Variants in RASGEF1C observed in about 807,000 individuals in gnomAD.
The protein encoded by RASGEF1C is ras-GEF domain-containing family member 1C.
RASGEF1C carries 27 observed loss-of-function variants against 58.1 expected under a neutral mutation model. The ratio of observed to expected loss-of-function variants is 0.46; its 90% CI spans 0.34 to 0.64. The LOEUF (loss-of-function observed/expected upper bound fraction) is 0.64. Ranked by LOEUF, RASGEF1C falls within the 30% of genes least tolerant of loss-of-function variation. The pLI, the probability that RASGEF1C is intolerant of heterozygous loss-of-function variation, is 0.01. For synonymous variants in RASGEF1C, 243 were observed against 246.3 expected, an observed-to-expected ratio of 0.99 and a Z score of 0.13; for missense variants, 502 against 605.1, an observed-to-expected ratio of 0.83 and a Z score of 1.79.
rs917857433 is a variant in RASGEF1C, at chr5:180,136,779, G to C, written c.301-264C>G. 8.2e-6 allele frequency: 4 copies of C among 487,786 alleles called. No homozygotes were observed. In the East Asian group the frequency reaches 1.1e-4, roughly 14 times the overall value. 30.2% of individuals were successfully genotyped at this position (487,786 alleles called of 1,614,324 possible). On this transcript the variant is annotated intron_variant, in intron 3 of 13. Coordinates refer to ENST00000361132, the MANE Select transcript of RASGEF1C (RefSeq NM_175062.4). ...CCTCCCTGGTGAGTCTTCGCGCTGC[G>C]GGGAGTGGGGAGTCCTCAGAGCAGG...
chr5:180,132,020 C>A (rs1170851574), intron 4 of RASGEF1C, among the ~76,000 whole-genome samples: 1 of 152,216 alleles, frequency 6.6e-6, no homozygotes. Flanking sequence ...TCACTGATTT[C>A]TCCACACTCG....
At chr5:180,121,352 C>G (rs901166703) in intron 6 of RASGEF1C, among the ~76,000 whole-genome samples, 1 of 150,792 alleles carries the variant, frequency 6.6e-6, no homozygotes, top group Non-Finnish European at 1.5e-5. Flanking sequence ...CCCGCTCTGT[C>G]GCCCAGGCTG....
At chr5:180,187,295 G>A (rs116694461) in intron 1 of RASGEF1C, among the ~76,000 whole-genome samples, 2,643 of 152,160 alleles carry the variant, frequency 0.017, 34 homozygotes, top group Non-Finnish European at 0.023. Context: ...CTATATATAC[G>A]AGCTAAAACT....
Position 180,198,875 on chromosome 5 carries a change from AC to A in RASGEF1C, c.-7+10152del. On this transcript the variant is annotated intron_variant, in intron 1 of 13. Transcript: ENST00000361132. This position sits in a 1 kb window ranked among gnomAD's most constrained non-coding sequence, Gnocchi z 4.5. The stretch of plus-strand genomic sequence containing the variant: ...GCAAGGACCTTTGCCAAGAGTAGGA[AC>A]CCAGGGAGGCAGAGCTGGGCCCACA... 6.6e-6 allele frequency among the ~76,000 whole-genome samples: 1 copy of A among 152,164 alleles called. No individual in the cohort carries two copies. The highest frequency in any genetic ancestry group is 1.5e-5 in the Non-Finnish European group (1 of 67,980).
chr5:180,179,279 C>A (rs2113321279), intron 1 of RASGEF1C, among the ~76,000 whole-genome samples: 1 of 152,088 alleles, frequency 6.6e-6, no homozygotes, highest in Admixed American at 6.6e-5. Flanking sequence ...GGTGACTTGT[C>A]TGAGATGAGG....
chr5:180,114,668 C>T, intron 10 of RASGEF1C, 127 bp from the exon 11 acceptor site: 1 of 780,654 alleles, frequency 1.3e-6, no homozygotes, highest in Non-Finnish European at 2.0e-6. Context: ...GTGCAGAGGG[C>T]AGGGGAGACT....
At chr5:180,118,961 AGGTCTGCAGGGCTCAG>A in intron 8 of RASGEF1C, 95 bp from the exon 9 acceptor site, 1 of 1,153,544 alleles carries the variant, frequency 8.7e-7, no homozygotes, top group Non-Finnish European at 1.3e-6. Context: ...ACCAGGGCTG[AGGTCTGCAGGGCTCAG>A]CCTGTCACAT....
chr5:180,157,030 A>C (rs1200938484), intron 1 of RASGEF1C, among the ~76,000 whole-genome samples: 1 of 152,216 alleles, frequency 6.6e-6, no homozygotes, highest in Admixed American at 6.5e-5. Flanking sequence ...GCTGGTAAGG[A>C]AGGGGAGCAG....
At chr5:180,147,552 A>G (rs950406389) in intron 1 of RASGEF1C, among the ~76,000 whole-genome samples, 10 of 152,104 alleles carry the variant, frequency 6.6e-5, no homozygotes, top group East Asian at 3.8e-4. Context: ...TTGTTCTTCA[A>G]TGCATAGGTT....
At chr5:180,201,131 A>C (rs1756387624) in intron 1 of RASGEF1C, among the ~76,000 whole-genome samples, 1 of 152,106 alleles carries the variant, frequency 6.6e-6, no homozygotes, top group Non-Finnish European at 1.5e-5. Flanking sequence ...GTCCCACCCT[A>C]CATGGGGAAA....
chr5:180,146,677 G>A (rs1353158196), intron 1 of RASGEF1C, among the ~76,000 whole-genome samples: 1 of 152,104 alleles, frequency 6.6e-6, no homozygotes, highest in African/African-American at 2.4e-5. Context: ...TCCCTTGGTT[G>A]TGGTGTATAA....
At position 180,128,570 on chromosome 5, in the gene RASGEF1C, T is replaced by C. The variant is rs1301627598; in HGVS notation, c.479A>G (p.His160Arg). The C allele has an allele frequency of 6.2e-7, 1 of 1,614,054 alleles. No individual in the cohort carries two copies. The highest frequency in any genetic ancestry group is 1.1e-5 in the South Asian group (1 of 91,070). ...CTGGCGCAGAGCCGCCAGCTTCTGG[T>C]GCAGAGCCTGTAGGAGCTGATGCAT... ...KRMHQLLQAL[H>R]QKLAALRQGP... The change falls in exon 5 of 14, where the codon CAC becomes CGC. Residue 160 changes from histidine to arginine, a missense_variant. By Grantham distance (29) the His-to-Arg change is conservative. Coordinates refer to ENST00000361132, the MANE Select transcript of RASGEF1C (RefSeq NM_175062.4).
At chr5:180,114,374 G>C (rs1766028228) in intron 11 of RASGEF1C, 72 bp downstream of exon 11, 2 of 1,458,622 alleles carry the variant, frequency 1.4e-6, no homozygotes, top group Admixed American at 1.9e-5. Context: ...GGGTGTCCAA[G>C]GGCCAGTGGT....
chr5:180,147,513 T>TC (rs1380898037), intron 1 of RASGEF1C, among the ~76,000 whole-genome samples: 1 of 152,196 alleles, frequency 6.6e-6, no homozygotes, highest in Admixed American at 6.5e-5. Context: ...TTCATTCATC[T>TC]CTAAGTATTT....
In RASGEF1C at chr5:180,136,449, T is replaced by C; in HGVS notation, c.367A>G (p.Arg123Gly). The C allele has an allele frequency of 6.4e-7, 1 of 1,561,436 alleles. No homozygotes were observed. Among genetic ancestry groups the C allele is most frequent in the Non-Finnish European group, 8.7e-7 (1 of 1,152,590 alleles). ...LLAEWTETFP[R>G]DFQEESTIGH... ...ATAGTCGACTCTTCCTGGAAGTCCC[T>C]TGGGAAGGTCTCGGTCCACTCGGCC... is the stretch of plus-strand genomic sequence containing the variant. Residue 123 changes from arginine (R) to glycine (G), a missense_variant, in exon 4 of 14, where the codon AGG (arginine) becomes GGG (glycine). By Grantham distance (125) the Arg-to-Gly change is moderately radical. Coordinates refer to ENST00000361132, the MANE Select transcript of RASGEF1C (RefSeq NM_175062.4).
In RASGEF1C at chr5:180,151,028, C is replaced by T. The variant is rs896873459; in HGVS notation, c.-6-12970G>A. On this transcript the variant is annotated intron_variant, in intron 1 of 13. Transcript: ENST00000361132. ...TTGCAAGGGATGTGAAGGACCTCTT[C>T]AAGGAGAACTACAAACCACTGCTCA... is the stretch of plus-strand genomic sequence containing the variant. 1.7e-3 allele frequency among the ~76,000 whole-genome samples: 254 copies of T among 151,504 alleles called. 3 individuals carry two copies. The highest frequency in any genetic ancestry group is 5.6e-3 in the African/African-American group (231 of 41,326).
chr5:180,208,794 T>A (rs1756540675), intron 1 of RASGEF1C, among the ~76,000 whole-genome samples: 1 of 151,730 alleles, frequency 6.6e-6, no homozygotes, highest in Non-Finnish European at 1.5e-5. Flanking sequence ...GAGCTGGGTC[T>A]CCCGCCAGGT....
intron 1 of RASGEF1C, among the ~76,000 whole-genome samples, chr5:180,162,021 G>A (rs1452842354): frequency 1.3e-5 from 2 of 152,258 alleles, no homozygotes; most frequent in Non-Finnish European, 2.9e-5. Flanking sequence ...ATTCATCAGT[G>A]AGTGGATGGA....
At chr5:180,151,417 A>G (rs1328498634) in intron 1 of RASGEF1C, among the ~76,000 whole-genome samples, 2 of 152,262 alleles carry the variant, frequency 1.3e-5, no homozygotes, top group South Asian at 2.1e-4. Flanking sequence ...AATGCTGCAT[A>G]TCTACAACTA....
Sources: allele counts gnomAD v4.1 joint callset (sites outside exome capture counted in the v4.1 genomes callset), GRCh38; gene constraint gnomAD v4.1.1; non-coding constraint Gnocchi (gnomAD v3.1); transcripts MANE v1.5; gene names NCBI Gene and HGNC (gene_info 2026-07-23, HGNC 2026-07-21).